The following GSK3B variants were observed in gnomAD, a reference collection of about 807,000 sequenced individuals.
GSK3B encodes the protein glycogen synthase kinase-3 beta.
A neutral mutation model predicts 56.4 loss-of-function variants in GSK3B; 15 were observed. The observed-to-expected ratio is 0.27, with a 90% CI of 0.18 to 0.41. The LOEUF is 0.41. Among genes scored for constraint, GSK3B ranks in the 10% least tolerant of loss-of-function variants. The pLI is 1.00. For synonymous variants in GSK3B, 181 were observed against 188.9 expected, an observed-to-expected ratio of 0.96 and a Z score of 0.34; for missense variants, 300 against 513.4, an observed-to-expected ratio of 0.58 and a Z score of 4.02.
intron 1 of GSK3B, among the ~76,000 whole-genome samples, chr3:120,052,035 G>C (rs1457705210): frequency 6.6e-6 from 1 of 152,112 alleles, no homozygotes; most frequent in Non-Finnish European, 1.5e-5. Flanking sequence ...TTCACAGAAG[G>C]AAAGAGTTCA....
intron 3 of GSK3B, among the ~76,000 whole-genome samples, chr3:119,924,595 A>C (rs2056873197): frequency 6.6e-6 from 1 of 152,220 alleles, no homozygotes; most frequent in Non-Finnish European, 1.5e-5. Context: ...AGCAGAGATT[A>C]GGAAATAGTG....
chr3:119,908,309 T>C (rs1003693173), intron 6 of GSK3B, among the ~76,000 whole-genome samples: 3 of 152,198 alleles, frequency 2.0e-5, no homozygotes, highest in Non-Finnish European at 4.4e-5. Context: ...GTATCTTATA[T>C]ACAGATAATC....
intron 1 of GSK3B, among the ~76,000 whole-genome samples, chr3:120,019,242 T>C (rs180713428): frequency 2.6e-5 from 4 of 152,018 alleles, no homozygotes; most frequent in Admixed American, 2.6e-4. Context: ...GGTGAGCTGA[T>C]GTACCATGTT....
chr3:119,939,469 T>G (rs1290493375), intron 3 of GSK3B, among the ~76,000 whole-genome samples: 7 of 152,204 alleles, frequency 4.6e-5, no homozygotes, highest in Non-Finnish European at 7.4e-5. Flanking sequence ...TCTCCAATGC[T>G]AATTGATCAT....
intron 7 of GSK3B, among the ~76,000 whole-genome samples, chr3:119,894,426 C>T (rs1576180890): frequency 6.6e-6 from 1 of 152,092 alleles, no homozygotes; most frequent in South Asian, 2.1e-4. Flanking sequence ...ACATTAGTTA[C>T]TGTCTTTTTA....
chr3:119,973,205 C>G (rs1238771137), intron 2 of GSK3B, among the ~76,000 whole-genome samples: 1 of 152,216 alleles, frequency 6.6e-6, no homozygotes, highest in Non-Finnish European at 1.5e-5. Flanking sequence ...CGCACTTTCG[C>G]TTTCCACAGT....
At chr3:119,852,136 T>C (rs1425787304) in intron 9 of GSK3B, among the ~76,000 whole-genome samples, 1 of 152,182 alleles carries the variant, frequency 6.6e-6, no homozygotes, top group Non-Finnish European at 1.5e-5. Flanking sequence ...GTTTTGGTAA[T>C]ACTGGTGATG....
At chr3:119,874,074 A>G (rs1165956522) in intron 8 of GSK3B, among the ~76,000 whole-genome samples, 1 of 152,200 alleles carries the variant, frequency 6.6e-6, no homozygotes, top group Non-Finnish European at 1.5e-5. Flanking sequence ...TACAGCATAC[A>G]TATTTAGTAC....
At chr3:120,084,393 G>A (rs990556286) in intron 1 of GSK3B, among the ~76,000 whole-genome samples, 2 of 152,092 alleles carry the variant, frequency 1.3e-5, no homozygotes, top group African/African-American at 4.8e-5. Flanking sequence ...ACTACTAGAG[G>A]AAACAGCTGT....
intron 7 of GSK3B, among the ~76,000 whole-genome samples, chr3:119,882,710 T>C (rs1440262230): frequency 6.6e-6 from 1 of 152,198 alleles, no homozygotes; most frequent in East Asian, 1.9e-4. Flanking sequence ...TAATCTGCTT[T>C]GATGAATAGT....
intron 2 of GSK3B, among the ~76,000 whole-genome samples, chr3:119,955,872 C>T (rs1418931352): frequency 3.3e-5 from 5 of 152,068 alleles, no homozygotes; most frequent in African/African-American, 9.7e-5. Flanking sequence ...AGGCTGGTCT[C>T]GAACTCCTGA....
At chr3:120,060,361 C>T (rs1487456534) in intron 1 of GSK3B, among the ~76,000 whole-genome samples, 1 of 152,038 alleles carries the variant, frequency 6.6e-6, no homozygotes, top group African/African-American at 2.4e-5. Flanking sequence ...AGGTATTAGA[C>T]CTAGACAGAC....
intron 2 of GSK3B, among the ~76,000 whole-genome samples, chr3:119,979,270 C>G (rs2057438280): frequency 6.6e-6 from 1 of 152,166 alleles, no homozygotes; most frequent in Non-Finnish European, 1.5e-5. Flanking sequence ...AAATCCCAAC[C>G]CTACCTGTGT....
intron 3 of GSK3B, among the ~76,000 whole-genome samples, chr3:119,928,612 T>TAAAAAAAAAAAAA (rs1160252679): frequency 1.6e-4 from 11 of 66,992 alleles, no homozygotes; most frequent in African/African-American, 2.4e-4. Context: ...ATCAAAAAAA[T>TAAAAAAAAAAAAA]AAAAAAAAAA....
intron 3 of GSK3B, among the ~76,000 whole-genome samples, chr3:119,944,020 GGAAA>G (rs770577667): frequency 2.0e-5 from 3 of 152,054 alleles, no homozygotes; most frequent in South Asian, 2.1e-4. Flanking sequence ...AAAAAAAGAG[GGAAA>G]GAAAGTCAGA....
intron 2 of GSK3B, among the ~76,000 whole-genome samples, chr3:119,950,472 G>T (rs1329015843): frequency 6.6e-6 from 1 of 152,166 alleles, no homozygotes; most frequent in East Asian, 1.9e-4. Context: ...AAGGATAATG[G>T]CTAGATAAAC....
chr3:120,064,102 T>C (rs1431383596), intron 1 of GSK3B, among the ~76,000 whole-genome samples: 2 of 151,934 alleles, frequency 1.3e-5, no homozygotes, highest in East Asian at 3.8e-4. Flanking sequence ...TTTTTCACAA[T>C]AACTTCAAAA....
At chr3:119,901,339 G>GAA (rs1486411549) in intron 7 of GSK3B, among the ~76,000 whole-genome samples, 1 of 152,100 alleles carries the variant, frequency 6.6e-6, no homozygotes, top group African/African-American at 2.4e-5. Context: ...ATGGCATAAT[G>GAA]AAATGCTGAT....
intron 6 of GSK3B, among the ~76,000 whole-genome samples, chr3:119,907,372 G>A (rs547999952): frequency 6.6e-6 from 1 of 152,178 alleles, no homozygotes; most frequent in East Asian, 1.9e-4. Flanking sequence ...AAACATCAAG[G>A]AATACTCTTG....
Sources: allele counts gnomAD v4.1 joint callset (sites outside exome capture counted in the v4.1 genomes callset), GRCh38; gene constraint gnomAD v4.1.1; transcripts MANE v1.5; gene names NCBI Gene and HGNC (gene_info 2026-07-23, HGNC 2026-07-21).